SMAD2: variants seen among roughly 807,000 people sequenced by gnomAD.
The protein encoded by SMAD2 is SMAD family member 2, also known as MAD homolog 2.
SMAD2 carries 8 observed loss-of-function variants against 64.4 expected under a neutral mutation model. The observed-to-expected ratio is 0.12, with a 90% CI of 0.07 to 0.22. The LOEUF (loss-of-function observed/expected upper bound fraction) is 0.22, where lower values mean the gene tolerates loss of function less well. Ranked by LOEUF, SMAD2 falls within the 10% of genes least tolerant of loss-of-function variation. SMAD2 has a pLI of 1.00. For synonymous variants in SMAD2, 203 were observed against 195.8 expected (o/e 1.04, Z -0.31); for missense variants, 289 against 561.2 (o/e 0.51, Z 4.90).
At chr18:47,892,061 T>C (rs1409211074) in intron 2 of SMAD2, among the ~76,000 whole-genome samples, 1 of 152,176 alleles carries the variant, frequency 6.6e-6, no homozygotes, top group African/African-American at 2.4e-5. Flanking sequence ...TTAATATGAA[T>C]AGCAAATTTT....
intron 1 of SMAD2, among the ~76,000 whole-genome samples, chr18:47,925,343 ACCTGT>A (rs933569145): frequency 6.6e-6 from 1 of 152,188 alleles, no homozygotes; most frequent in African/African-American, 2.4e-5. Flanking sequence ...TACATCAAGC[ACCTGT>A]CCTATCAATG....
chr18:47,860,414 G>A (rs1054464368), intron 6 of SMAD2, among the ~76,000 whole-genome samples: 4 of 151,610 alleles, frequency 2.6e-5, no homozygotes, highest in African/African-American at 9.7e-5. Flanking sequence ...TGGGACCACA[G>A]GTGAATGCCA....
chr18:47,816,400 CTGGTA>C lies in SMAD2; in HGVS notation c.*25422_*25426del, dbSNP rs1194965803. On this transcript the variant is annotated 3_prime_UTR_variant, in exon 11 of 11. Transcript: ENST00000262160. The stretch of plus-strand genomic sequence containing the variant: ...AAATTGGAAAATGAGAAAAGATAGT[CTGGTA>C]TAACTGCCTGAACAACTTATTAAGA... 2.6e-5 allele frequency: 4 copies of C among 152,132 alleles called. No individual in the cohort carries two copies. Among genetic ancestry groups the C allele is most frequent in the Admixed American group, 6.5e-5 (1 of 15,268 alleles). 9.4% of individuals were successfully genotyped at this position (152,132 alleles called of 1,614,324 possible).
Position 47,835,210 on chromosome 18 carries a change from G to A in SMAD2, c.*6617C>T, listed in dbSNP as rs949723968. 1.4e-5 allele frequency: 3 copies of A among 220,160 alleles called. No homozygotes were observed. Among genetic ancestry groups the A allele is most frequent in the Non-Finnish European group, 2.7e-5 (3 of 109,948 alleles). 13.6% of individuals were successfully genotyped at this position (220,160 alleles called of 1,614,324 possible). The stretch of plus-strand genomic sequence containing the variant: ...TGGAAAAGCAAAACTGAGGTGTGAG[G>A]TTACACTGGTCTAAGAAAGTACCAA... On this transcript the variant is annotated 3_prime_UTR_variant, in exon 11 of 11. Transcript: ENST00000262160.
At chr18:47,900,396 C>T (rs1326442502) in intron 1 of SMAD2, among the ~76,000 whole-genome samples, 3 of 152,100 alleles carry the variant, frequency 2.0e-5, no homozygotes, top group Non-Finnish European at 4.4e-5. Context: ...ATCCCATATT[C>T]TCCATAAACT....
intron 1 of SMAD2, among the ~76,000 whole-genome samples, chr18:47,899,151 C>A (rs930190206): frequency 6.6e-6 from 1 of 152,118 alleles, no homozygotes; most frequent in Non-Finnish European, 1.5e-5. Context: ...GAAAAAGTTA[C>A]AAATTACAGG....
chr18:47,868,505 G>T lies in SMAD2; in HGVS notation c.521-48C>A, dbSNP rs376942381. 10 of 1,547,648 alleles carry T rather than the reference G, an allele frequency of 6.5e-6. No homozygotes were observed. The South Asian group carries it at 6.7e-5, about 10-fold the overall frequency. ...AGTTAATGGCAAAGAGCAAAGGGGA[G>T]TGGGGGAACCTTTTTTAAAGTTTTC... On this transcript the variant is annotated intron_variant, in intron 4 of 10. Transcript: ENST00000262160.
chr18:47,897,750 C>T (rs1484751081), intron 1 of SMAD2, among the ~76,000 whole-genome samples: 1 of 152,106 alleles, frequency 6.6e-6, no homozygotes, highest in Non-Finnish European at 1.5e-5. Flanking sequence ...ACTGGTAAGT[C>T]CCACATAACT....
intron 2 of SMAD2, among the ~76,000 whole-genome samples, chr18:47,879,221 A>G (rs1463560653): frequency 1.3e-5 from 2 of 152,222 alleles, no homozygotes; most frequent in African/African-American, 4.8e-5. Context: ...TTAAATTTAC[A>G]CAGCATGAAA....
At chr18:47,916,472 A>G (rs756035057) in intron 1 of SMAD2, among the ~76,000 whole-genome samples, 2 of 152,128 alleles carry the variant, frequency 1.3e-5, no homozygotes, top group African/African-American at 2.4e-5. Flanking sequence ...GCTGGAGTGC[A>G]GTGGCACGAT....
rs908635238 is a variant in SMAD2, at chr18:47,839,598, T to C, written c.*2229A>G. 3 of 233,198 alleles carry C rather than the reference T, an allele frequency of 1.3e-5. No homozygotes were observed. The highest frequency in any genetic ancestry group is 5.6e-5 in the Admixed American group (1 of 17,770). 14.4% of individuals were successfully genotyped at this position (233,198 alleles called of 1,614,324 possible). A position where few individuals can be genotyped will look rare whatever the true frequency, so the allele number is the denominator to read the frequency against. Reference sequence around the variant, plus strand: ...GCAAATGAAATTTTTACAGCAAAGGTTGAGGAAGGAGATATGTTAGTGAGA... The same window carrying C: ...GCAAATGAAATTTTTACAGCAAAGGCTGAGGAAGGAGATATGTTAGTGAGA... On this transcript the variant is annotated 3_prime_UTR_variant, in exon 11 of 11. Transcript: ENST00000262160.
chr18:47,857,877 A>T (rs1471141712), intron 6 of SMAD2, among the ~76,000 whole-genome samples: 1 of 152,232 alleles, frequency 6.6e-6, no homozygotes, highest in Non-Finnish European at 1.5e-5. Flanking sequence ...GCTGGAAAGA[A>T]ATAAGAATAT....
chr18:47,928,632 C>A (rs369065978), intron 1 of SMAD2, among the ~76,000 whole-genome samples: 1 of 152,212 alleles, frequency 6.6e-6, no homozygotes, highest in South Asian at 2.1e-4. Context: ...ACTATTATTT[C>A]ATGAAACTTA....
chr18:47,868,145 C>A, intron 5 of SMAD2, 178 bp downstream of exon 5: 1 of 600,300 alleles, frequency 1.7e-6, no homozygotes, highest in Non-Finnish European at 2.9e-6. Flanking sequence ...CCAAACAAAA[C>A]TGTTTAATGT....
Position 47,811,058 on chromosome 18 carries a change from C to T in SMAD2, c.*30769G>A, listed in dbSNP as rs1912184948. Reference sequence around the variant, plus strand: ...TCAACTGACACACATCTGACTCTATCCCCCAAGCCCCAAATGTGCAATAAA... The same window carrying T: ...TCAACTGACACACATCTGACTCTATTCCCCAAGCCCCAAATGTGCAATAAA... On this transcript the variant is annotated 3_prime_UTR_variant, in exon 11 of 11. Coordinates refer to ENST00000262160, the MANE Select transcript of SMAD2 (RefSeq NM_005901.6). 1 of 152,260 alleles carries T rather than the reference C, an allele frequency of 6.6e-6. No individual in the cohort carries two copies. Among genetic ancestry groups the T allele is most frequent in the African/African-American group, 2.4e-5 (1 of 41,444 alleles). 9.4% of individuals were successfully genotyped at this position (152,260 alleles called of 1,614,324 possible).
intron 1 of SMAD2, among the ~76,000 whole-genome samples, chr18:47,917,520 T>C (rs576288865): frequency 2.0e-5 from 3 of 152,326 alleles, no homozygotes; most frequent in East Asian, 3.9e-4. Context: ...CTAATACCTA[T>C]GCATTTTTCT....
intron 1 of SMAD2, among the ~76,000 whole-genome samples, chr18:47,922,880 CG>C (rs1334920214): frequency 6.6e-6 from 1 of 152,192 alleles, no homozygotes; most frequent in Non-Finnish European, 1.5e-5. Flanking sequence ...AAACCTAGGT[CG>C]GCCCCCATGG....
rs556629929 is a variant in SMAD2 at position 47,834,212 on chromosome 18, C to A, written c.*7615G>T. On this transcript the variant is annotated 3_prime_UTR_variant, in exon 11 of 11. Coordinates refer to ENST00000262160, the MANE Select transcript of SMAD2 (RefSeq NM_005901.6). Reference sequence around the variant, plus strand: ...AAGTAAGGATAAATCACAAGAACACCTAAGGTGGTCAGCTCCTTCTGGTGT... The same window carrying A: ...AAGTAAGGATAAATCACAAGAACACATAAGGTGGTCAGCTCCTTCTGGTGT... 1 of 211,408 alleles carries A rather than the reference C, an allele frequency of 4.7e-6. No homozygotes were observed. The highest frequency in any genetic ancestry group is 1.9e-4 in the South Asian group (1 of 5,324). The allele number at this position is 211,408 out of a possible 1,614,324, so 13.1% of individuals were successfully genotyped here. A position where few individuals can be genotyped will look rare whatever the true frequency, so the allele number is the denominator to read the frequency against.
At chr18:47,868,560 T>A (rs1302757733) in intron 4 of SMAD2, 103 bp from the exon 5 acceptor site, 2 of 897,606 alleles carry the variant, frequency 2.2e-6, no homozygotes, top group Non-Finnish European at 1.8e-6. Context: ...GCTTAATTTT[T>A]AAAGCTAGGG....
Sources: gnomAD v4.1 joint callset for allele counts (sites outside exome capture counted in the v4.1 genomes callset) on GRCh38, gnomAD v4.1.1 for gene constraint, MANE v1.5 for transcripts, NCBI Gene and HGNC (gene_info 2026-07-23, HGNC 2026-07-21) for gene names.